The following CDYL2 variants were observed in gnomAD, a reference collection of about 807,000 sequenced individuals.
The protein encoded by CDYL2 is chromodomain Y-like protein 2.
A neutral mutation model predicts 49.4 loss-of-function variants in CDYL2; 23 were observed. The observed-to-expected ratio is 0.47, with a 90% CI of 0.34 to 0.66. The LOEUF (loss-of-function observed/expected upper bound fraction) is 0.66. CDYL2 is among the 30% of genes least tolerant of loss of function. The pLI is 0.01. For missense variants in CDYL2, 678 were observed against 656.4 expected (o/e 1.03, Z -0.36); for synonymous variants, 360 against 268.8 (o/e 1.34, Z -3.32).
chr16:80,742,389 T>A (rs1441122711), intron 1 of CDYL2: 3 of 150,592 alleles, frequency 2.0e-5, no homozygotes, highest in African/African-American at 7.4e-5. Context: ...AGTGGGTGGG[T>A]TAGGGGATGA....
At chr16:80,696,498 T>A (rs1910618421) in intron 1 of CDYL2, among the ~76,000 whole-genome samples, 1 of 150,668 alleles carries the variant, frequency 6.6e-6, no homozygotes, top group Non-Finnish European at 1.5e-5. Context: ...AAGACACAAA[T>A]AAAATCACAA....
intron 1 of CDYL2, among the ~76,000 whole-genome samples, chr16:80,761,657 C>T (rs1055126730): frequency 3.3e-5 from 5 of 151,704 alleles, no homozygotes; most frequent in Non-Finnish European, 7.4e-5. Flanking sequence ...CTTATAGGAG[C>T]CCCCAGGTGA....
intron 2 of CDYL2, among the ~76,000 whole-genome samples, chr16:80,669,132 G>C (rs72806171): frequency 0.014 from 2,173 of 151,878 alleles, 20 homozygotes; most frequent in Middle Eastern, 0.034. Flanking sequence ...GGCAGTAAAA[G>C]ATTTTTTTTT....
chr16:80,745,130 T>C (rs1905881693), intron 1 of CDYL2, among the ~76,000 whole-genome samples: 2 of 152,164 alleles, frequency 1.3e-5, no homozygotes, highest in Admixed American at 6.5e-5. Context: ...CAGGTGCTGC[T>C]AGCACCCTGC....
chr16:80,720,835 A>G (rs1904973710), intron 1 of CDYL2, among the ~76,000 whole-genome samples: 1 of 152,174 alleles, frequency 6.6e-6, no homozygotes, highest in African/African-American at 2.4e-5. Context: ...TTAAAAATAT[A>G]CCCTGAGAGC....
At chr16:80,614,198 C>A (rs966214734) in intron 4 of CDYL2, among the ~76,000 whole-genome samples, 1 of 152,218 alleles carries the variant, frequency 6.6e-6, no homozygotes, top group Non-Finnish European at 1.5e-5. Context: ...GGTGAACCAG[C>A]TCTTCACCAA....
chr16:80,598,038 AGT>A lies in CDYL2; in HGVS notation c.*6348_*6349del, dbSNP rs1361761777. 5 of 152,222 alleles carry A rather than the reference AGT, an allele frequency of 3.3e-5. No homozygotes were observed. The highest frequency in any genetic ancestry group is 1.2e-4 in the African/African-American group (5 of 41,460). 9.4% of individuals were successfully genotyped at this position (152,222 alleles called of 1,614,324 possible). A position where few individuals can be genotyped will look rare whatever the true frequency, so the allele number is the denominator to read the frequency against. On this transcript the variant is annotated 3_prime_UTR_variant, in exon 7 of 7. Coordinates refer to ENST00000570137, the MANE Select transcript of CDYL2 (RefSeq NM_152342.4). ...ACGTTACAGGACCATTCACAAAGAGAGTGTACAATTTGCTCTAGACAGTCAGG... is the reference window on the plus strand; with the variant it reads ...ACGTTACAGGACCATTCACAAAGAGAGTACAATTTGCTCTAGACAGTCAGG...
At chr16:80,688,973 C>G (rs974229706) in intron 1 of CDYL2, among the ~76,000 whole-genome samples, 8 of 152,192 alleles carry the variant, frequency 5.3e-5, no homozygotes, top group Non-Finnish European at 1.0e-4. Context: ...TCTTGATGCT[C>G]TGCCCCCGCT....
chr16:80,622,244 C>A (rs184397917), intron 3 of CDYL2, among the ~76,000 whole-genome samples: 177 of 152,276 alleles, frequency 1.2e-3, no homozygotes, highest in South Asian at 2.1e-3. Flanking sequence ...CTAGGAGAGC[C>A]CAGAGCTCCC....
At chr16:80,616,786 A>C (rs1352492358) in intron 4 of CDYL2, among the ~76,000 whole-genome samples, 2 of 152,252 alleles carry the variant, frequency 1.3e-5, no homozygotes, top group African/African-American at 4.8e-5. Context: ...AGAACATATT[A>C]GTGCCAGGAA....
At position 80,684,560 on chromosome 16, in the gene CDYL2, A is replaced by T. The variant is rs1363483418; in HGVS notation, c.594T>A (p.Ala198=). 6.2e-7 allele frequency: 1 copy of T among 1,613,950 alleles called. No homozygotes were observed. The highest frequency in any genetic ancestry group is 8.5e-7 in the Non-Finnish European group (1 of 1,179,860). The change falls in exon 2 of 7, where the codon GCT becomes GCA. Residue 198 remains alanine, a synonymous_variant. Coordinates refer to ENST00000570137, the MANE Select transcript of CDYL2 (RefSeq NM_152342.4). ...QDMGECDVNH[A]TLAENGLGSA... ...AACCGAGCCCGTTCTCCGCCAGTGT[A>T]GCGTGATTCACGTCACATTCACCCA...
intron 1 of CDYL2, among the ~76,000 whole-genome samples, chr16:80,688,451 A>G (rs1910284890): frequency 6.6e-6 from 1 of 152,214 alleles, no homozygotes; most frequent in Non-Finnish European, 1.5e-5. Context: ...AAGATACAGG[A>G]AAAGCATCAC....
At chr16:80,720,097 T>C (rs1904948682) in intron 1 of CDYL2, among the ~76,000 whole-genome samples, 1 of 152,094 alleles carries the variant, frequency 6.6e-6, no homozygotes, top group Non-Finnish European at 1.5e-5. Context: ...AATGGGCAGG[T>C]AGAGAATGAA....
intron 1 of CDYL2, among the ~76,000 whole-genome samples, chr16:80,750,397 CA>C (rs201472206): frequency 0.014 from 1,604 of 113,258 alleles, 33 homozygotes; most frequent in East Asian, 0.11. Context: ...AGACTGGATC[CA>C]AAAAAAAAAA....
chr16:80,772,760 A>G (rs1906949770), intron 1 of CDYL2, among the ~76,000 whole-genome samples: 1 of 152,172 alleles, frequency 6.6e-6, no homozygotes, highest in African/African-American at 2.4e-5. Context: ...CCAAAATGCC[A>G]ATTAAAATTA....
intron 1 of CDYL2, among the ~76,000 whole-genome samples, chr16:80,708,396 C>T (rs531375127): frequency 1.1e-4 from 16 of 152,250 alleles, no homozygotes; most frequent in African/African-American, 2.2e-4. Flanking sequence ...CCATGTAAGA[C>T]GTGACTTTGC....
Position 80,604,186 on chromosome 16 carries a change from G to C in CDYL2, c.*202C>G, listed in dbSNP as rs1030524817. On this transcript the variant is annotated 3_prime_UTR_variant, in exon 7 of 7. Coordinates refer to ENST00000570137, the MANE Select transcript of CDYL2 (RefSeq NM_152342.4). ...CTCTGGCCAGGAAGGGCAGGGAGGT[G>C]GGGGAGGCCAAGTATGCTGCGTTTT... The C allele has an allele frequency of 1.6e-6, 1 of 608,610 alleles. No homozygotes were observed. Among genetic ancestry groups the C allele is most frequent in the Non-Finnish European group, 2.9e-6 (1 of 347,420 alleles). The allele number at this position is 608,610 out of a possible 1,614,324, so 37.7% of individuals were successfully genotyped here.
intron 2 of CDYL2, among the ~76,000 whole-genome samples, chr16:80,636,840 T>A (rs1480562730): frequency 1.3e-5 from 2 of 152,190 alleles, no homozygotes. Flanking sequence ...TAAGAAAATG[T>A]GGCACATATA....
intron 2 of CDYL2, among the ~76,000 whole-genome samples, chr16:80,655,098 C>T (rs1003785520): frequency 1.3e-5 from 2 of 152,208 alleles, no homozygotes; most frequent in African/African-American, 2.4e-5. Context: ...AGCCTGGGGA[C>T]ATCCATCCCT....
Sources: allele counts gnomAD v4.1 joint callset (sites outside exome capture counted in the v4.1 genomes callset), GRCh38; gene constraint gnomAD v4.1.1; transcripts MANE v1.5; gene names NCBI Gene and HGNC (gene_info 2026-07-23, HGNC 2026-07-21).